Variants in EIF3H observed in about 807,000 individuals in gnomAD.
The protein encoded by EIF3H is eukaryotic translation initiation factor 3 subunit H, also known as eIF-3-gamma.
EIF3H carries 26 observed loss-of-function variants against 44.2 expected under a neutral mutation model. The ratio of observed to expected loss-of-function variants is 0.59; its 90% CI spans 0.43 to 0.82. EIF3H has a LOEUF of 0.82. EIF3H is among the 40% of genes least tolerant of loss of function. The pLI is 0.00. For missense variants in EIF3H, 359 were observed against 432.8 expected (o/e 0.83, Z 1.51); for synonymous variants, 166 against 151.9 (o/e 1.09, Z -0.68).
At chr8:116,679,163 A>G (rs1207579993) in intron 2 of EIF3H, among the ~76,000 whole-genome samples, 3 of 44,202 alleles carry the variant, frequency 6.8e-5, no homozygotes, top group Non-Finnish European at 1.1e-4. Context: ...TCCGGGAGGG[A>G]GGTGGTGGGG....
In EIF3H at chr8:116,755,737, C is replaced by T; in HGVS notation, c.61G>A (p.Ala21Thr). 6.2e-7 allele frequency: 1 copy of T among 1,614,154 alleles called. No individual in the cohort carries two copies. ...CCTTTGCCTTTGCCTTTCCCTGCTG[C>T]GCCGGCGGTGGAGCTGGAAGAGGTG... ...TATSSSSTAG[A>T]AGKGKGKGGS... The change falls in exon 1 of 8, where the codon GCA becomes ACA. Residue 21 changes from alanine (A) to threonine (T), a missense_variant. Coordinates refer to ENST00000521861, the MANE Select transcript of EIF3H (RefSeq NM_003756.3).
intron 4 of EIF3H, among the ~76,000 whole-genome samples, 184 bp from the exon 5 acceptor site, chr8:116,656,189 T>A (rs57306258): frequency 0.036 from 5,480 of 151,108 alleles, 319 homozygotes; most frequent in African/African-American, 0.13. Context: ...GTGATTTGAG[T>A]AACTTTGAAA....
At chr8:116,752,831 AAG>A (rs1184910723) in intron 1 of EIF3H, among the ~76,000 whole-genome samples, 6 of 134,756 alleles carry the variant, frequency 4.5e-5, no homozygotes, top group South Asian at 2.4e-4. Context: ...GAAGGAAGGA[AAG>A]AGAGAGAGAA....
intron 2 of EIF3H, among the ~76,000 whole-genome samples, chr8:116,718,982 A>G (rs1273848662): frequency 1.3e-5 from 2 of 152,168 alleles, no homozygotes; most frequent in African/African-American, 2.4e-5. Context: ...ATAAAAACAC[A>G]AAAGAATAAA....
chr8:116,652,468 A>T (rs546031794), intron 5 of EIF3H, among the ~76,000 whole-genome samples: 17 of 152,394 alleles, frequency 1.1e-4, no homozygotes, highest in Non-Finnish European at 1.8e-4. Flanking sequence ...TATTCTTTTC[A>T]TAAGTTTTTC....
intron 2 of EIF3H, 95 bp downstream of exon 2, chr8:116,725,921 T>C (rs1359569521): frequency 7.1e-7 from 1 of 1,399,546 alleles, no homozygotes; most frequent in South Asian, 1.6e-5. Flanking sequence ...GCCTGACAGA[T>C]TCCCAATTCA....
intron 5 of EIF3H, 132 bp from the exon 6 acceptor site, chr8:116,649,058 C>T: frequency 1.4e-6 from 1 of 701,422 alleles, no homozygotes; most frequent in Non-Finnish European, 2.1e-6. Flanking sequence ...TGCATAAAAG[C>T]AAGAGCAGAG....
chr8:116,750,388 C>T (rs1815310021), intron 1 of EIF3H, among the ~76,000 whole-genome samples: 1 of 61,882 alleles, frequency 1.6e-5, no homozygotes, highest in Non-Finnish European at 3.5e-5. Context: ...GACTCTAGGT[C>T]TGTCTTTAGC....
chr8:116,764,923 G>GA (rs1815553954), intron 1 of EIF3H, among the ~76,000 whole-genome samples: 1 of 151,946 alleles, frequency 6.6e-6, no homozygotes, highest in South Asian at 2.1e-4. Flanking sequence ...AGAGCTTGGG[G>GA]AAAAAATGTG....
chr8:116,660,577 CAA>C (rs1813569743), intron 2 of EIF3H, among the ~76,000 whole-genome samples: 1 of 151,958 alleles, frequency 6.6e-6, no homozygotes, highest in African/African-American at 2.4e-5. Flanking sequence ...CAAAAACAAC[CAA>C]AGTTATTTTG....
chr8:116,653,233 T>G (rs1813426066), intron 5 of EIF3H, among the ~76,000 whole-genome samples: 1 of 152,096 alleles, frequency 6.6e-6, no homozygotes, highest in South Asian at 2.1e-4. Flanking sequence ...TATTATCTGC[T>G]GCAAGTATAT....
chr8:116,695,558 G>A (rs1013918497), intron 2 of EIF3H, among the ~76,000 whole-genome samples: 3 of 152,170 alleles, frequency 2.0e-5, no homozygotes, highest in African/African-American at 7.2e-5. Context: ...TGCAAGAAAG[G>A]AATACTCATA....
chr8:116,645,824 C>T (rs1054562340), intron 7 of EIF3H, among the ~76,000 whole-genome samples: 1 of 152,150 alleles, frequency 6.6e-6, no homozygotes, highest in African/African-American at 2.4e-5. Flanking sequence ...TGAGAAATTG[C>T]CAATCAGCTT....
At chr8:116,691,034 T>C (rs1814164665) in intron 2 of EIF3H, among the ~76,000 whole-genome samples, 1 of 152,248 alleles carries the variant, frequency 6.6e-6, no homozygotes, top group South Asian at 2.1e-4. Flanking sequence ...CAGTCAACTC[T>C]GTTGCCCCTC....
chr8:116,715,191 T>G (rs555468637), intron 2 of EIF3H, among the ~76,000 whole-genome samples: 5 of 152,106 alleles, frequency 3.3e-5, no homozygotes, highest in Admixed American at 6.6e-5. Flanking sequence ...TTTTAGCCTC[T>G]GAAAGGATTG....
intron 2 of EIF3H, among the ~76,000 whole-genome samples, chr8:116,678,184 G>C (rs1311625338): frequency 6.6e-6 from 1 of 151,906 alleles, no homozygotes. Context: ...TGGTGGAGAC[G>C]GGGTTTTGCT....
At position 116,658,796 on chromosome 8, in the gene EIF3H, A is replaced by G. The variant is rs1813538128; in HGVS notation, c.457+17T>C. 2 of 1,602,226 alleles carry G rather than the reference A, an allele frequency of 1.2e-6. No individual in the cohort carries two copies. The highest frequency in any genetic ancestry group is 1.7e-6 in the Non-Finnish European group (2 of 1,176,492). On this transcript the variant is annotated intron_variant, in intron 3 of 7. Coordinates refer to ENST00000521861, the MANE Select transcript of EIF3H (RefSeq NM_003756.3). Reference sequence around the variant, plus strand: ...AATAATATTAAGGGAAAAAAGAATAATAAACCTCCTACTAACCATAAATGA... The same window carrying G: ...AATAATATTAAGGGAAAAAAGAATAGTAAACCTCCTACTAACCATAAATGA...
chr8:116,718,206 A>G (rs1814686546), intron 2 of EIF3H, among the ~76,000 whole-genome samples: 2 of 152,230 alleles, frequency 1.3e-5, no homozygotes, highest in African/African-American at 4.8e-5. Context: ...AACGTCCATA[A>G]TAATAAAAAA....
chr8:116,752,332 T>C (rs1360098045), intron 1 of EIF3H, among the ~76,000 whole-genome samples: 4 of 152,114 alleles, frequency 2.6e-5, no homozygotes, highest in Admixed American at 2.6e-4. Flanking sequence ...CCAATCTACA[T>C]TAGCAAAGTT....
Sources: gnomAD v4.1 joint callset for allele counts (sites outside exome capture counted in the v4.1 genomes callset) on GRCh38, gnomAD v4.1.1 for gene constraint, MANE v1.5 for transcripts, NCBI Gene and HGNC (gene_info 2026-07-23, HGNC 2026-07-21) for gene names.